RPAP2: variants seen among roughly 807,000 people sequenced by gnomAD.
RPAP2 encodes putative RNA polymerase II subunit B1 CTD phosphatase RPAP2.
RPAP2 carries 52 observed loss-of-function variants against 73.1 expected under a neutral mutation model. The observed-to-expected ratio is 0.71, with a 90% CI of 0.57 to 0.90. RPAP2 has a LOEUF of 0.90. Ranked by LOEUF, RPAP2 falls within the 40% of genes least tolerant of loss-of-function variation. The pLI is 0.00. For synonymous variants in RPAP2, 225 were observed against 242.1 expected (o/e 0.93, Z 0.65); for missense variants, 598 against 701.8 (o/e 0.85, Z 1.67).
At chr1:92,360,375 C>T (rs747805638) in intron 11 of RPAP2, among the ~76,000 whole-genome samples, 4 of 152,142 alleles carry the variant, frequency 2.6e-5, no homozygotes, top group Non-Finnish European at 5.9e-5. Flanking sequence ...TATAGTATTA[C>T]ATATGGTGTT....
rs568496273 is a variant in RPAP2 at position 92,389,672 on chromosome 1, A to G, written c.*2661A>G. On this transcript the variant is annotated 3_prime_UTR_variant, in exon 13 of 13. Transcript: ENST00000610020. The stretch of plus-strand genomic sequence containing the variant: ...AAAAAGGTTAGACAAATGGCTAACT[A>G]GAATAACCAGTGTAGAGAAGAGCTT... 25 of 152,370 alleles carry G rather than the reference A, an allele frequency of 1.6e-4. No individual in the cohort carries two copies. In the South Asian group the frequency reaches 4.1e-3, roughly 25 times the overall value. 9.4% of individuals were successfully genotyped at this position (152,370 alleles called of 1,614,324 possible). A position where few individuals can be genotyped will look rare whatever the true frequency, so the allele number is the denominator to read the frequency against.
At chr1:92,308,139 C>T (rs565727918) in intron 6 of RPAP2, among the ~76,000 whole-genome samples, 3 of 152,090 alleles carry the variant, frequency 2.0e-5, no homozygotes, top group Non-Finnish European at 2.9e-5. Context: ...ACACCACTCT[C>T]AATTCAAATA....
rs562201718 is a variant in RPAP2 at position 92,335,127 on chromosome 1, GT to G, written c.1539-1219del. On this transcript the variant is annotated intron_variant, in intron 9 of 12. Transcript: ENST00000610020. Reference sequence around the variant, plus strand: ...GCTCGTGATTAAACTGTTCTCCATAGTGGGTGTACTAATTTACATTCCCACC... The same window carrying G: ...GCTCGTGATTAAACTGTTCTCCATAGGGGTGTACTAATTTACATTCCCACC... Among the ~76,000 whole-genome samples, 527 of 152,282 alleles carry G rather than the reference GT, an allele frequency of 3.5e-3. 2 individuals carry two copies. The highest frequency in any genetic ancestry group is 5.8e-3 in the Non-Finnish European group (394 of 68,026).
chr1:92,384,177 C>T (rs1317700353), intron 12 of RPAP2, among the ~76,000 whole-genome samples: 2 of 150,978 alleles, frequency 1.3e-5, no homozygotes, highest in East Asian at 2.0e-4. Context: ...AGGATGGTCT[C>T]GATTTCTTGA....
At position 92,324,248 on chromosome 1, in the gene RPAP2, T is replaced by C; in HGVS notation, c.1328T>C (p.Ile443Thr). The change falls in exon 8 of 13, where the codon ATT becomes ACT. Residue 443 changes from isoleucine to threonine, a missense_variant. Ile to Thr is a moderately conservative substitution (Grantham distance 89). Coordinates refer to ENST00000610020, the MANE Select transcript of RPAP2 (RefSeq NM_024813.3). Reference protein sequence around the residue: ...SLPFRGSGTAIKPLPSYENLK... With the variant: ...SLPFRGSGTATKPLPSYENLK... ...CCTTTTAGGGGCTCAGGTACAGCCATTAAACCACTGCCAAGTTACGAGAAT... is the reference window on the plus strand; with the variant it reads ...CCTTTTAGGGGCTCAGGTACAGCCACTAAACCACTGCCAAGTTACGAGAAT... 1 of 1,614,054 alleles carries C rather than the reference T, an allele frequency of 6.2e-7. No individual in the cohort carries two copies. The highest frequency in any genetic ancestry group is 1.1e-5 in the South Asian group (1 of 91,076).
At chr1:92,341,270 A>C (rs1225292159) in intron 10 of RPAP2, among the ~76,000 whole-genome samples, 2 of 152,124 alleles carry the variant, frequency 1.3e-5, no homozygotes, top group Non-Finnish European at 2.9e-5. Flanking sequence ...CAGACTTCCA[A>C]AGTGCTGGTA....
intron 8 of RPAP2, among the ~76,000 whole-genome samples, 190 bp downstream of exon 8, chr1:92,324,565 G>A (rs191465459): frequency 1.3e-3 from 205 of 152,290 alleles, no homozygotes; most frequent in African/African-American, 4.5e-3. Flanking sequence ...ATAAGTTGAC[G>A]TTTACCCCTA....
At chr1:92,373,938 CTGTA>C (rs1281714406) in intron 11 of RPAP2, among the ~76,000 whole-genome samples, 1 of 151,654 alleles carries the variant, frequency 6.6e-6, no homozygotes, top group Non-Finnish European at 1.5e-5. Context: ...ATAATTAAAG[CTGTA>C]TGTAATAGTA....
rs1464158686 is a variant in RPAP2 at position 92,400,024 on chromosome 1, CT to C, written c.*13015del. 3.9e-5 allele frequency: 6 copies of C among 152,310 alleles called. No homozygotes were observed. Among genetic ancestry groups the C allele is most frequent in the African/African-American group, 1.4e-4 (6 of 41,570 alleles). The allele number at this position is 152,310 out of a possible 1,614,324, so 9.4% of individuals were successfully genotyped here. On this transcript the variant is annotated 3_prime_UTR_variant, in exon 13 of 13. Coordinates refer to ENST00000610020, the MANE Select transcript of RPAP2 (RefSeq NM_024813.3). ...CAAACTAAGACTCAATGAGGTTTATCTTCCACAAGATCAGCCAGTTTTAGCA... is the reference window on the plus strand; with the variant it reads ...CAAACTAAGACTCAATGAGGTTTATCTCCACAAGATCAGCCAGTTTTAGCA...
intron 11 of RPAP2, among the ~76,000 whole-genome samples, chr1:92,364,252 G>T (rs901395639): frequency 6.6e-6 from 1 of 152,090 alleles, no homozygotes; most frequent in African/African-American, 2.4e-5. Flanking sequence ...TTATAGGTAT[G>T]GAGAAAGCAG....
chr1:92,383,477 T>G (rs1019745942), intron 12 of RPAP2, among the ~76,000 whole-genome samples: 11 of 152,132 alleles, frequency 7.2e-5, no homozygotes, highest in African/African-American at 2.7e-4. Context: ...CTTGAAGAGG[T>G]CCTTCACATC....
Position 92,341,267 on chromosome 1 carries a change from C to A in RPAP2, c.1620-4579C>A, listed in dbSNP as rs542266979. The stretch of plus-strand genomic sequence containing the variant: ...CAAGCAATGTGCCTGCCTCAGACTT[C>A]CAAAGTGCTGGTATTACAGGCATGA... On this transcript the variant is annotated intron_variant, in intron 10 of 12. Coordinates refer to ENST00000610020, the MANE Select transcript of RPAP2 (RefSeq NM_024813.3). Among the ~76,000 whole-genome samples the A allele has an allele frequency of 5.6e-4, 86 of 152,290 alleles. 1 individual carries two copies. The highest frequency in any genetic ancestry group is 1.9e-3 in the African/African-American group (81 of 41,560).
chr1:92,306,226 GAAGT>G (rs1651222293), intron 5 of RPAP2, among the ~76,000 whole-genome samples: 2 of 152,152 alleles, frequency 1.3e-5, no homozygotes, highest in Admixed American at 1.3e-4. Flanking sequence ...GTGGGAATGG[GAAGT>G]TAGTGTATAG....
chr1:92,384,485 G>C (rs548918017), intron 12 of RPAP2, among the ~76,000 whole-genome samples: 1 of 151,612 alleles, frequency 6.6e-6, no homozygotes, highest in South Asian at 2.1e-4. Flanking sequence ...TTAGCTGGGC[G>C]TGGTGGCAAG....
At chr1:92,315,736 G>T (rs1651870684) in intron 6 of RPAP2, among the ~76,000 whole-genome samples, 1 of 152,104 alleles carries the variant, frequency 6.6e-6, no homozygotes, top group South Asian at 2.1e-4. Context: ...TAAGGTTTTG[G>T]AGTCAGAAAG....
intron 10 of RPAP2, among the ~76,000 whole-genome samples, chr1:92,338,500 T>G (rs1318303426): frequency 1.3e-5 from 2 of 152,216 alleles, no homozygotes; most frequent in African/African-American, 4.8e-5. Flanking sequence ...CTGTCTACAC[T>G]GATGATAAAG....
chr1:92,301,645 T>C (rs2101097256), intron 3 of RPAP2, 55 bp downstream of exon 3: 3 of 710,518 alleles, frequency 4.2e-6, no homozygotes, highest in African/African-American at 1.9e-5. Context: ...TTTAAATCTG[T>C]GCAGCATGAA....
rs1656002075 is a variant in RPAP2 at position 92,390,261 on chromosome 1, A to G, written c.*3250A>G. ...ATATTCAACATTCTTAAAGAAAAGA[A>G]TTTTCAACCCAGAATCTCATATCCA... On this transcript the variant is annotated 3_prime_UTR_variant, in exon 13 of 13. Transcript: ENST00000610020. 1 of 152,222 alleles carries G rather than the reference A, an allele frequency of 6.6e-6. No homozygotes were observed. The highest frequency in any genetic ancestry group is 1.5e-5 in the Non-Finnish European group (1 of 68,036). 9.4% of individuals were successfully genotyped at this position (152,222 alleles called of 1,614,324 possible).
Position 92,304,360 on chromosome 1 carries a change from A to AT in RPAP2, c.399+11_399+12insT. 1 of 1,461,776 alleles carries AT rather than the reference A, an allele frequency of 6.8e-7. No homozygotes were observed. Among genetic ancestry groups the AT allele is most frequent in the Non-Finnish European group, 9.4e-7 (1 of 1,068,458 alleles). The allele number at this position is 1,461,776 out of a possible 1,614,324, so 90.6% of individuals were successfully genotyped here. A position where few individuals can be genotyped will look rare whatever the true frequency, so the allele number is the denominator to read the frequency against. ...ATTACTGAAAGAAAGGTGAGTTTAA[A>AT]GGCTTTCATTGTGGCAATTAATTTT... On this transcript the variant is annotated intron_variant, in intron 5 of 12. Coordinates refer to ENST00000610020, the MANE Select transcript of RPAP2 (RefSeq NM_024813.3).
Sources: allele counts gnomAD v4.1 joint callset (sites outside exome capture counted in the v4.1 genomes callset), GRCh38; gene constraint gnomAD v4.1.1; transcripts MANE v1.5; gene names NCBI Gene and HGNC (gene_info 2026-07-23, HGNC 2026-07-21).